The following DISC1 variants were observed in gnomAD, a reference collection of about 807,000 sequenced individuals.
The protein encoded by DISC1 is DISC1 scaffold protein.
Under a neutral mutation model 84.5 loss-of-function variants are expected in DISC1, and 57 were observed. The ratio of observed to expected loss-of-function variants is 0.67; its 90% CI spans 0.55 to 0.84. The LOEUF (loss-of-function observed/expected upper bound fraction) is 0.84, where lower values mean the gene tolerates loss of function less well. Ranked by LOEUF, DISC1 falls within the 40% of genes least tolerant of loss-of-function variation. The pLI is 0.00. For synonymous variants in DISC1, 411 were observed against 415.2 expected (o/e 0.99, Z 0.12); for missense variants, 1,000 against 1,057.8 (o/e 0.95, Z 0.76).
At chr1:231,772,386 G>A (rs901139880) in intron 6 of DISC1, among the ~76,000 whole-genome samples, 2 of 152,074 alleles carry the variant, frequency 1.3e-5, no homozygotes, top group African/African-American at 4.8e-5. Flanking sequence ...TGCTACGTGG[G>A]TAGAGCCGGG....
At position 232,013,528 on chromosome 1, in the gene DISC1, A is replaced by G. The variant is rs960736198; in HGVS notation, c.2307+4479A>G. ...AAAACAAGTTAACGAGAAAAACATA[A>G]CACATTTATTTAATCAGAGTTTTAC... is the stretch of plus-strand genomic sequence containing the variant. On this transcript the variant is annotated intron_variant, in intron 11 of 12. Coordinates refer to ENST00000439617, the MANE Select transcript of DISC1 (RefSeq NM_018662.3). Among the ~76,000 whole-genome samples the G allele has an allele frequency of 1.2e-4, 18 of 152,312 alleles. No individual in the cohort carries two copies. The South Asian group carries it at 2.1e-3, about 18-fold the overall frequency.
chr1:231,948,605 TA>T (rs34622279), intron 9 of DISC1, among the ~76,000 whole-genome samples: 7 of 147,960 alleles, frequency 4.7e-5, no homozygotes, highest in Admixed American at 1.4e-4. Context: ...AAAGTATAAT[TA>T]AAAAAAAAAG....
At chr1:231,869,269 T>G (rs886701029) in intron 9 of DISC1, among the ~76,000 whole-genome samples, 4 of 152,146 alleles carry the variant, frequency 2.6e-5, no homozygotes, top group African/African-American at 9.6e-5. Flanking sequence ...TGTCTTGTCT[T>G]TACAGACACT....
chr1:231,788,975 C>G (rs1383983598), intron 6 of DISC1, among the ~76,000 whole-genome samples: 1 of 148,778 alleles, frequency 6.7e-6, no homozygotes, highest in Non-Finnish European at 1.5e-5. Flanking sequence ...ACACTGTGTA[C>G]CAAACACTTC....
chr1:231,859,948 A>G (rs2084531788), intron 9 of DISC1, among the ~76,000 whole-genome samples: 1 of 152,114 alleles, frequency 6.6e-6, no homozygotes, highest in South Asian at 2.1e-4. Flanking sequence ...AATCAGAGAG[A>G]ATGTGGGTTC....
chr1:232,004,956 C>CCAT (rs1667196526), intron 10 of DISC1, among the ~76,000 whole-genome samples: 1 of 132,996 alleles, frequency 7.5e-6, no homozygotes, highest in Admixed American at 7.9e-5. Flanking sequence ...TTCCTTCCTT[C>CCAT]CTTCCTTCCT....
chr1:231,877,557 A>G (rs1324219538), intron 9 of DISC1, among the ~76,000 whole-genome samples: 1 of 152,240 alleles, frequency 6.6e-6, no homozygotes, highest in African/African-American at 2.4e-5. Context: ...TTCAAGTCCT[A>G]TTTCTGGTTC....
intron 9 of DISC1, among the ~76,000 whole-genome samples, chr1:231,917,842 AAAT>A (rs1260618962): frequency 2.0e-5 from 3 of 152,244 alleles, no homozygotes; most frequent in Non-Finnish European, 4.4e-5. Flanking sequence ...ATTATTAATT[AAAT>A]AACATTCTTC....
chr1:231,741,007 C>A (rs1488362546), intron 3 of DISC1, among the ~76,000 whole-genome samples: 2 of 152,152 alleles, frequency 1.3e-5, no homozygotes, highest in East Asian at 1.9e-4. Flanking sequence ...CAGGTTCTAG[C>A]AGATGTTTTT....
At chr1:231,686,244 T>G (rs866041328) in intron 1 of DISC1, among the ~76,000 whole-genome samples, 1 of 152,206 alleles carries the variant, frequency 6.6e-6, no homozygotes, top group East Asian at 1.9e-4. Context: ...AGGGACTCTG[T>G]GGGGGCTCCA....
intron 9 of DISC1, among the ~76,000 whole-genome samples, chr1:231,838,826 T>C (rs2082814973): frequency 6.6e-6 from 1 of 152,222 alleles, no homozygotes; most frequent in Non-Finnish European, 1.5e-5. Context: ...CCGCCTGGCC[T>C]CTCATTCAGA....
chr1:231,784,275 A>T (rs2077665671), intron 6 of DISC1, among the ~76,000 whole-genome samples: 1 of 152,156 alleles, frequency 6.6e-6, no homozygotes, highest in African/African-American at 2.4e-5. Context: ...AAAAAAAAAA[A>T]AAAAGTGACA....
chr1:232,004,667 A>G (rs1053569385), intron 10 of DISC1, among the ~76,000 whole-genome samples: 1 of 152,206 alleles, frequency 6.6e-6, no homozygotes. Context: ...TAGTGGAGAA[A>G]TACAACTTCA....
At chr1:231,908,086 G>A (rs2088874036) in intron 9 of DISC1, among the ~76,000 whole-genome samples, 1 of 152,184 alleles carries the variant, frequency 6.6e-6, no homozygotes, top group Admixed American at 6.5e-5. Context: ...CCTTTTGTCA[G>A]ATGGGTAGAT....
At chr1:231,706,294 C>T (rs927412985) in intron 3 of DISC1, among the ~76,000 whole-genome samples, 2 of 152,140 alleles carry the variant, frequency 1.3e-5, no homozygotes, top group Non-Finnish European at 2.9e-5. Context: ...TTTGAGACCT[C>T]AGAGTCCTGC....
intron 9 of DISC1, among the ~76,000 whole-genome samples, chr1:231,932,323 A>G (rs1247053277): frequency 6.6e-6 from 1 of 152,190 alleles, no homozygotes; most frequent in Non-Finnish European, 1.5e-5. Flanking sequence ...TTTAAGACCA[A>G]TATTTGTCCC....
chr1:231,961,409 AG>A (rs1448965774), intron 10 of DISC1, among the ~76,000 whole-genome samples: 3 of 152,018 alleles, frequency 2.0e-5, no homozygotes, highest in Non-Finnish European at 4.4e-5. Context: ...TTTTAGATTC[AG>A]GGGGTATATG....
chr1:231,912,610 T>G (rs757949715), intron 9 of DISC1, among the ~76,000 whole-genome samples: 1 of 152,170 alleles, frequency 6.6e-6, no homozygotes, highest in Admixed American at 6.5e-5. Context: ...TGCCTCCCAG[T>G]TAGGCTACTT....
chr1:232,025,764 T>G (rs1476750863), intron 11 of DISC1, among the ~76,000 whole-genome samples: 1 of 152,072 alleles, frequency 6.6e-6, no homozygotes, highest in Admixed American at 6.5e-5. Context: ...GCCCGGCTAA[T>G]TTTTTGTATT....
Sources: gnomAD v4.1 joint callset for allele counts (sites outside exome capture counted in the v4.1 genomes callset) on GRCh38, gnomAD v4.1.1 for gene constraint, MANE v1.5 for transcripts, NCBI Gene and HGNC (gene_info 2026-07-23, HGNC 2026-07-21) for gene names.